The following CACNA1C variants were observed in gnomAD, a reference collection of about 807,000 sequenced individuals.
CACNA1C encodes the protein voltage-dependent L-type calcium channel subunit alpha-1C.
In CACNA1C, 30 loss-of-function variants were observed where a neutral mutation model predicts 229.0. That is an observed-to-expected ratio of 0.13 (90% CI 0.10 to 0.18). CACNA1C has a LOEUF of 0.18. CACNA1C is among the 10% of genes least tolerant of loss of function. The probability of loss-of-function intolerance (pLI) is 1.00; values close to 1 mark genes in which losing one functional copy is unlikely to be tolerated. For synonymous variants in CACNA1C, 1,114 were observed against 1,132.5 expected, an observed-to-expected ratio of 0.98 and a Z score of 0.33; for missense variants, 1,658 against 2,845.0, an observed-to-expected ratio of 0.58 and a Z score of 9.49.
At chr12:2,234,153 C>T (rs971488892) in intron 3 of CACNA1C, among the ~76,000 whole-genome samples, 3 of 152,172 alleles carry the variant, frequency 2.0e-5, no homozygotes, top group African/African-American at 4.8e-5. Context: ...CCTTTTCAAA[C>T]GAGTCAGTTA....
At chr12:1,990,561 GA>G in intron 1 of CACNA1C, among the ~76,000 whole-genome samples, 1 of 151,116 alleles carries the variant, frequency 6.6e-6, no homozygotes, top group Non-Finnish European at 1.5e-5. Flanking sequence ...CTCTCCTAAT[GA>G]ATCTAAAAAA....
intron 3 of CACNA1C, among the ~76,000 whole-genome samples, chr12:2,274,670 C>T (rs527401889): frequency 6.6e-6 from 1 of 152,200 alleles, no homozygotes; most frequent in Non-Finnish European, 1.5e-5. Context: ...CTGGAACTCA[C>T]GTAGTTTGCC....
chr12:2,285,044 A>C lies in CACNA1C; in HGVS notation c.478-163932A>C, dbSNP rs1415684734. ...TTCTGCAGATCCTGGGTTGGCTTCC[A>C]GTGGTGCCTGGCATCTCTCCTGCTC... is the stretch of plus-strand genomic sequence containing the variant. On this transcript the variant is annotated intron_variant, in intron 3 of 46. Transcript: ENST00000399655. This position sits in a 1 kb window ranked among gnomAD's most constrained non-coding sequence, Gnocchi z 4.2. 6.6e-6 allele frequency among the ~76,000 whole-genome samples: 1 copy of C among 152,166 alleles called. No individual in the cohort carries two copies. Among genetic ancestry groups the C allele is most frequent in the African/African-American group, 2.4e-5 (1 of 41,430 alleles).
chr12:2,052,721 C>T (rs2052588127), upstream of CACNA1C, among the ~76,000 whole-genome samples: 2 of 145,752 alleles, frequency 1.4e-5, no homozygotes, highest in African/African-American at 2.5e-5. Flanking sequence ...GGCCCGCTCC[C>T]TTTGACGTCA....
At chr12:2,642,016 G>C (rs1162606277) in intron 30 of CACNA1C, among the ~76,000 whole-genome samples, 1 of 152,148 alleles carries the variant, frequency 6.6e-6, no homozygotes, top group East Asian at 1.9e-4. Context: ...TGGGGTTGAG[G>C]GGGTGCAGAC....
intron 9 of CACNA1C, among the ~76,000 whole-genome samples, chr12:2,533,377 T>A (rs1055184054): frequency 6.6e-6 from 1 of 152,068 alleles, no homozygotes; most frequent in Non-Finnish European, 1.5e-5. Flanking sequence ...GGATCAAACA[T>A]TGAATGAGTG....
At chr12:2,284,711 A>G (rs2092334146) in intron 3 of CACNA1C, among the ~76,000 whole-genome samples, 1 of 152,212 alleles carries the variant, frequency 6.6e-6, no homozygotes, top group South Asian at 2.1e-4. Context: ...TGCTTTGTTC[A>G]GTTTCCTGAC....
intron 3 of CACNA1C, among the ~76,000 whole-genome samples, chr12:2,441,841 G>A (rs2099230785): frequency 6.6e-6 from 1 of 152,178 alleles, no homozygotes; most frequent in African/African-American, 2.4e-5. Flanking sequence ...CTTCAACTGT[G>A]TTAGGACCCT....
At chr12:2,094,536 T>C (rs1194797398) in intron 1 of CACNA1C, among the ~76,000 whole-genome samples, 1 of 152,172 alleles carries the variant, frequency 6.6e-6, no homozygotes, top group African/African-American at 2.4e-5. Context: ...CACTAGTGAA[T>C]TGCAGAATCA....
intron 9 of CACNA1C, among the ~76,000 whole-genome samples, chr12:2,515,580 C>T (rs1035658302): frequency 6.6e-6 from 1 of 152,140 alleles, no homozygotes; most frequent in South Asian, 2.1e-4. Flanking sequence ...GAGAAAAGGC[C>T]GATCACTCTT....
At chr12:2,620,198 C>G (rs2082539425) in intron 29 of CACNA1C, among the ~76,000 whole-genome samples, 1 of 152,162 alleles carries the variant, frequency 6.6e-6, no homozygotes, top group Admixed American at 6.5e-5. Flanking sequence ...AAGTCCAGAG[C>G]TGGCTTTTTG....
chr12:2,322,030 G>C (rs1199455579), intron 3 of CACNA1C, among the ~76,000 whole-genome samples: 1 of 152,194 alleles, frequency 6.6e-6, no homozygotes, highest in Non-Finnish European at 1.5e-5. Flanking sequence ...GCTCATTATT[G>C]TGTTCAATAG....
At chr12:2,379,840 G>C (rs912089142) in intron 3 of CACNA1C, among the ~76,000 whole-genome samples, 1 of 151,132 alleles carries the variant, frequency 6.6e-6, no homozygotes. Flanking sequence ...GACCATCCCG[G>C]CTAAAACGGT....
At chr12:2,468,479 T>C (rs1315967182) in intron 5 of CACNA1C, among the ~76,000 whole-genome samples, 1 of 151,676 alleles carries the variant, frequency 6.6e-6, no homozygotes, top group Non-Finnish European at 1.5e-5. Flanking sequence ...AATTTAGAGA[T>C]AGGCAAATCC....
intron 3 of CACNA1C, among the ~76,000 whole-genome samples, chr12:2,139,266 G>A (rs1221578127): frequency 2.0e-5 from 3 of 150,898 alleles, no homozygotes; most frequent in East Asian, 1.9e-4. Context: ...CACATGGCGC[G>A]CTCCCCTGGG....
Position 2,696,902 on chromosome 12 carries a change from C to G in CACNA1C, c.*5703C>G, listed in dbSNP as rs772223300. 1 of 152,234 alleles carries G rather than the reference C, an allele frequency of 6.6e-6. No individual in the cohort carries two copies. Among genetic ancestry groups the G allele is most frequent in the Non-Finnish European group, 1.5e-5 (1 of 68,058 alleles). 9.4% of individuals were successfully genotyped at this position (152,234 alleles called of 1,614,324 possible). On this transcript the variant is annotated 3_prime_UTR_variant, in exon 47 of 47. Transcript: ENST00000399655. Reference sequence around the variant, plus strand: ...ATTGGCCAGGAGAAAAGAGAAGTCTCTCCTGTAGAGTCACAAGAGAAGCAA... The same window carrying G: ...ATTGGCCAGGAGAAAAGAGAAGTCTGTCCTGTAGAGTCACAAGAGAAGCAA...
At position 2,694,504 on chromosome 12, in the gene CACNA1C, T is replaced by C. The variant is rs1331343474; in HGVS notation, c.*3305T>C. 6.6e-6 allele frequency: 1 copy of C among 152,302 alleles called. No individual in the cohort carries two copies. Among genetic ancestry groups the C allele is most frequent in the Non-Finnish European group, 1.5e-5 (1 of 68,086 alleles). The allele number at this position is 152,302 out of a possible 1,614,324, so 9.4% of individuals were successfully genotyped here. A position where few individuals can be genotyped will look rare whatever the true frequency, so the allele number is the denominator to read the frequency against. On this transcript the variant is annotated 3_prime_UTR_variant, in exon 47 of 47. Transcript: ENST00000399655. Reference sequence around the variant, plus strand: ...AGACCTTGGAGAATTTTTCCCAGCTTTGATTCAGAAGGTACTAGTTATAAC... The same window carrying C: ...AGACCTTGGAGAATTTTTCCCAGCTCTGATTCAGAAGGTACTAGTTATAAC...
chr12:2,291,864 C>G (rs577705749), intron 3 of CACNA1C, among the ~76,000 whole-genome samples: 4 of 152,240 alleles, frequency 2.6e-5, no homozygotes, highest in Non-Finnish European at 4.4e-5. Flanking sequence ...AGAAATCCTC[C>G]ATCAGCTAGA....
intron 34 of CACNA1C, among the ~76,000 whole-genome samples, chr12:2,657,489 A>G (rs1365660199): frequency 6.6e-6 from 1 of 152,158 alleles, no homozygotes; most frequent in East Asian, 1.9e-4. Flanking sequence ...ATAGAAATGG[A>G]ATGTATATAT....
Sources: gnomAD v4.1 joint callset for allele counts (sites outside exome capture counted in the v4.1 genomes callset) on GRCh38, gnomAD v4.1.1 for gene constraint, Gnocchi (gnomAD v3.1) non-coding constraint, MANE v1.5 for transcripts, NCBI Gene and HGNC (gene_info 2026-07-23, HGNC 2026-07-21) for gene names.